MAN2C1: variants seen among roughly 807,000 people sequenced by gnomAD.
MAN2C1 encodes alpha-mannosidase 2C1.
In MAN2C1, 111 loss-of-function variants were observed where a neutral mutation model predicts 126.9. The observed-to-expected ratio is 0.87, with a 90% CI of 0.75 to 1.02. The LOEUF (loss-of-function observed/expected upper bound fraction) is 1.02. Among genes scored for constraint, MAN2C1 ranks in the 50% least tolerant of loss-of-function variants. MAN2C1 has a pLI of 0.00. For synonymous variants in MAN2C1, 567 were observed against 561.5 expected (o/e 1.01, Z -0.14); for missense variants, 1,363 against 1,364.4 (o/e 1.00, Z 0.02).
intron 3 of MAN2C1, among the ~76,000 whole-genome samples, chr15:75,367,078 G>GA (rs977700688): frequency 6.6e-6 from 1 of 152,104 alleles, no homozygotes; most frequent in African/African-American, 2.4e-5. Flanking sequence ...ACCCCAGATT[G>GA]AGAGTCAGTC....
chr15:75,368,343 C>A, intron 1 of MAN2C1, 140 bp downstream of exon 1: 1 of 1,403,570 alleles, frequency 7.1e-7, no homozygotes, highest in Non-Finnish European at 9.6e-7. Context: ...TTCCCTACCC[C>A]CTCCTCCCCG....
chr15:75,360,985 A>C lies in MAN2C1; in HGVS notation c.1460+61T>G, dbSNP rs1224680078. The C allele has an allele frequency of 1.9e-6, 3 of 1,553,678 alleles. No homozygotes were observed. The African/African-American group carries it at 4.1e-5, about 21-fold the overall frequency. ...GGGGTTGGGCCCAATGTCTGAGGGAAGGCAGGGCTCATGGCAAGGGCCCAG... is the reference window on the plus strand; with the variant it reads ...GGGGTTGGGCCCAATGTCTGAGGGACGGCAGGGCTCATGGCAAGGGCCCAG... On this transcript the variant is annotated intron_variant, in intron 12 of 25. Coordinates refer to ENST00000267978, the MANE Select transcript of MAN2C1 (RefSeq NM_006715.4).
At chr15:75,360,781 G>T in intron 12 of MAN2C1, 93 bp from the exon 13 acceptor site, 1 of 1,490,338 alleles carries the variant, frequency 6.7e-7, no homozygotes, top group Non-Finnish European at 9.1e-7. Flanking sequence ...CTCCTACAGA[G>T]AGGAGCCACT....
Position 75,362,804 on chromosome 15 carries a change from G to C in MAN2C1, c.791-56C>G, listed in dbSNP as rs989387502. 13 of 1,485,816 alleles carry C rather than the reference G, an allele frequency of 8.7e-6. No homozygotes were observed. Among genetic ancestry groups the C allele is most frequent in the Non-Finnish European group, 1.2e-5 (13 of 1,067,586 alleles). 92.0% of individuals were successfully genotyped at this position (1,485,816 alleles called of 1,614,324 possible). A position where few individuals can be genotyped will look rare whatever the true frequency, so the allele number is the denominator to read the frequency against. On this transcript the variant is annotated intron_variant, in intron 6 of 25. Transcript: ENST00000267978. The surrounding 1 kb of genome is among the most constrained non-coding windows in gnomAD (Gnocchi z 4.5). ...GAGCAGCAAGGCTGACCAGGCCTGG[G>C]CTGGGACTCCAGAGGGTCACCTAGC...
Position 75,362,664 on chromosome 15 carries a change from T to G in MAN2C1, c.875A>C (p.Glu292Ala). Residue 292 changes from glutamate to alanine, a missense_variant, in exon 7 of 26, where the codon GAG becomes GCG. Glu to Ala is a moderately radical substitution (Grantham distance 107). Transcript: ENST00000267978. The surrounding 1 kb of genome is among the most constrained non-coding windows in gnomAD (Gnocchi z 4.5). ...GACCTGGGAGCAGGCAAAGATGAAC[T>G]CAGGGTTCCGCTCCATGAGCTGCAG... is the stretch of plus-strand genomic sequence containing the variant. ...TALQLMERNP[E>A]FIFACSQAQQ... 6.2e-7 allele frequency: 1 copy of G among 1,614,066 alleles called. No individual in the cohort carries two copies. Among genetic ancestry groups the G allele is most frequent in the South Asian group, 1.1e-5 (1 of 91,084 alleles).
intron 5 of MAN2C1, 36 bp downstream of exon 5, chr15:75,364,444 CAGGGCTCT>C: frequency 6.7e-7 from 1 of 1,496,934 alleles, no homozygotes; most frequent in Non-Finnish European, 8.9e-7. Flanking sequence ...CTTCTTGGAG[CAGGGCTCT>C]AGAGGGTAGC....
rs772153875 is a variant in MAN2C1, at chr15:75,361,110, C to T, written c.1396G>A (p.Gly466Ser). 2 of 1,612,828 alleles carry T rather than the reference C, an allele frequency of 1.2e-6. No individual in the cohort carries two copies. Among genetic ancestry groups the T allele is most frequent in the African/African-American group, 2.7e-5 (2 of 74,930 alleles). Reference protein sequence around the residue: ...AFLFGFGDGGGGPTQTMLDRL... With the variant: ...AFLFGFGDGGSGPTQTMLDRL... ...TCCAGCATGGTCTGGGTGGGGCCACCACCCCCATCCCCAAAGCCAAAGAGG... is the reference window on the plus strand; with the variant it reads ...TCCAGCATGGTCTGGGTGGGGCCACTACCCCCATCCCCAAAGCCAAAGAGG... Residue 466 changes from glycine to serine, a missense_variant, in exon 12 of 26, where the codon GGT (glycine) becomes AGT (serine). Transcript: ENST00000267978. This position sits in a 1 kb window ranked among gnomAD's most constrained non-coding sequence, Gnocchi z 5.0.
intron 3 of MAN2C1, 26 bp from the exon 4 acceptor site, chr15:75,366,618 C>T: frequency 6.3e-7 from 1 of 1,576,136 alleles, no homozygotes. Flanking sequence ...GTGAGAGAGA[C>T]AAGGCTTGAG....
At chr15:75,365,450 C>T (rs1213648207) in intron 4 of MAN2C1, among the ~76,000 whole-genome samples, 1 of 152,136 alleles carries the variant, frequency 6.6e-6, no homozygotes, top group African/African-American at 2.4e-5. Flanking sequence ...ATGAGCCGGG[C>T]ACGGTGGCTC....
Position 75,360,193 on chromosome 15 carries a change from C to T in MAN2C1, c.1603G>A (p.Glu535Lys), listed in dbSNP as rs754859167. ...ACGTCGTGCAGGATCCGCTCACATT[C>T]CCGGTTCCCCTTCTTGATCTGAGCC... is the stretch of plus-strand genomic sequence containing the variant. ...THAQIKKGNRECERILHDVEL... is the reference protein window; with the variant it reads ...THAQIKKGNRKCERILHDVEL... Residue 535 changes from glutamate (E) to lysine (K), a missense_variant, in exon 14 of 26, where the codon GAA becomes AAA. Physicochemically the swap from Glu to Lys is moderately conservative, Grantham distance 56. Coordinates refer to ENST00000267978, the MANE Select transcript of MAN2C1 (RefSeq NM_006715.4). 1.8e-5 allele frequency: 29 copies of T among 1,610,920 alleles called. No homozygotes were observed. In the South Asian group the frequency reaches 3.2e-4, roughly 18 times the overall value.
intron 6 of MAN2C1, chr15:75,363,273 A>G (rs2072512307): frequency 2.2e-6 from 1 of 456,014 alleles, no homozygotes; most frequent in Admixed American, 2.3e-5. Context: ...GCTGCATCAG[A>G]ATCAATACCT....
Position 75,358,802 on chromosome 15 carries a change from G to A in MAN2C1, c.2148C>T (p.Ala716=), listed in dbSNP as rs2072401016. The A allele has an allele frequency of 3.7e-6, 6 of 1,611,902 alleles. No homozygotes were observed. Among genetic ancestry groups the A allele is most frequent in the Non-Finnish European group, 5.1e-6 (6 of 1,178,826 alleles). The stretch of plus-strand genomic sequence containing the variant: ...GGTTCCCCACGGCGCCCTCAGCAAT[G>A]GCCTCCCTGGAAGGACATGGGATTG... The part of the protein sequence containing the change: ...SLVLVASGRE[A]IAEGAVGNQF... The change falls in exon 19 of 26, where the codon GCC becomes GCT. Residue 716 remains alanine (A), a synonymous_variant. Coordinates refer to ENST00000267978, the MANE Select transcript of MAN2C1 (RefSeq NM_006715.4).
At position 75,362,421 on chromosome 15, in the gene MAN2C1, G is replaced by A; in HGVS notation, c.930C>T (p.Tyr310=). Residue 310 remains tyrosine, a synonymous_variant, in exon 8 of 26, where the codon TAC becomes TAT. Transcript: ENST00000267978. The surrounding 1 kb of genome is among the most constrained non-coding windows in gnomAD (Gnocchi z 4.5). The part of the protein sequence containing the change: ...AQQLEWVKSR[Y]PGLYSRIQEF... ...CCTGGATGCGGGAGTACAGGCCAGGGTAGCGGCTCTTCACCCATTCCAGCT... is the reference window on the plus strand; with the variant it reads ...CCTGGATGCGGGAGTACAGGCCAGGATAGCGGCTCTTCACCCATTCCAGCT... The A allele has an allele frequency of 6.2e-7, 1 of 1,613,674 alleles. No homozygotes were observed. The highest frequency in any genetic ancestry group is 8.5e-7 in the Non-Finnish European group (1 of 1,179,986).
chr15:75,364,293 T>C, intron 5 of MAN2C1, 105 bp from the exon 6 acceptor site: 9 of 1,307,480 alleles, frequency 6.9e-6, no homozygotes, highest in South Asian at 3.1e-5. Context: ...CCCCCAACCC[T>C]TTTTCCCTGC....
At chr15:75,365,964 G>C in intron 4 of MAN2C1, 1 of 429,234 alleles carries the variant, frequency 2.3e-6, no homozygotes, top group Non-Finnish European at 4.6e-6. Context: ...GCACACACCT[G>C]TAATCCCTGC....
At position 75,361,310 on chromosome 15, in the gene MAN2C1, A is replaced by G; in HGVS notation, c.1290T>C (p.Tyr430=). 6.4e-7 allele frequency: 1 copy of G among 1,569,490 alleles called. No homozygotes were observed. Among genetic ancestry groups the G allele is most frequent in the Non-Finnish European group, 8.6e-7 (1 of 1,156,752 alleles). ...CCTCCTCCACGCTGCCCTGCATCCC[A>G]TAGGAGTCGCCAGGTGGGAAGTGGA... ...VLVHFPPGDS[Y]GMQGSVEEVL... is the part of the protein sequence containing the mutation. Residue 430 remains tyrosine (Y), a synonymous_variant, in exon 11 of 26, where the codon TAT becomes TAC. Transcript: ENST00000267978. This position sits in a 1 kb window ranked among gnomAD's most constrained non-coding sequence, Gnocchi z 5.0.
At chr15:75,359,796 C>A in intron 15 of MAN2C1, 21 bp from the exon 16 acceptor site, 1 of 1,613,692 alleles carries the variant, frequency 6.2e-7, no homozygotes, top group Non-Finnish European at 8.5e-7. Context: ...ACTGGCTGGT[C>A]ATAGGTGGGC....
intron 12 of MAN2C1, 31 bp from the exon 13 acceptor site, chr15:75,360,719 C>T (rs756327148): frequency 3.7e-6 from 6 of 1,608,606 alleles, no homozygotes; most frequent in Non-Finnish European, 5.1e-6. Context: ...GGTCTCCCAG[C>T]CTTGGAGACC....
intron 4 of MAN2C1, 31 bp downstream of exon 4, chr15:75,366,491 A>G: frequency 6.3e-7 from 1 of 1,597,570 alleles, no homozygotes; most frequent in Non-Finnish European, 8.6e-7. Context: ...CCTCCCTGAC[A>G]GCACTGGTCA....
Sources: gnomAD v4.1 joint callset for allele counts (sites outside exome capture counted in the v4.1 genomes callset) on GRCh38, gnomAD v4.1.1 for gene constraint, Gnocchi (gnomAD v3.1) non-coding constraint, MANE v1.5 for transcripts, NCBI Gene and HGNC (gene_info 2026-07-23, HGNC 2026-07-21) for gene names.